The following DIAPH3 variants were observed in gnomAD, a reference collection of about 807,000 sequenced individuals.
The protein encoded by DIAPH3 is diaphanous related formin 3, also known as protein diaphanous homolog 3.
Under a neutral mutation model 144.3 loss-of-function variants are expected in DIAPH3, and 117 were observed. The observed-to-expected ratio is 0.81, with a 90% CI of 0.70 to 0.95. The LOEUF (loss-of-function observed/expected upper bound fraction) is 0.95. Ranked by LOEUF, DIAPH3 falls within the 40% of genes least tolerant of loss-of-function variation. The pLI is 0.00. For synonymous variants in DIAPH3, 519 were observed against 488.9 expected (o/e 1.06, Z -0.81); for missense variants, 1,421 against 1,412.7 (o/e 1.01, Z -0.09).
intron 4 of DIAPH3, among the ~76,000 whole-genome samples, chr13:60,068,480 TTTTC>T (rs1336758995): frequency 2.0e-5 from 3 of 152,150 alleles, no homozygotes; most frequent in African/African-American, 4.8e-5. Context: ...CTTAGCCCAT[TTTTC>T]TTTGTCTTTT....
At position 60,163,858 on chromosome 13, in the gene DIAPH3, G is replaced by C; in HGVS notation, c.-92C>G. 1 of 1,475,338 alleles carries C rather than the reference G, an allele frequency of 6.8e-7. No homozygotes were observed. Among genetic ancestry groups the C allele is most frequent in the Non-Finnish European group, 9.1e-7 (1 of 1,102,594 alleles). 91.4% of individuals were successfully genotyped at this position (1,475,338 alleles called of 1,614,324 possible). ...GGGATCGACAACAGGTTTTACTCCCGGGGTCCGCCACCCAAACAGTCAGCA... is the reference window on the plus strand; with the variant it reads ...GGGATCGACAACAGGTTTTACTCCCCGGGTCCGCCACCCAAACAGTCAGCA... On this transcript the variant is annotated 5_prime_UTR_variant, in exon 1 of 28. Coordinates refer to ENST00000400324, the MANE Select transcript of DIAPH3 (RefSeq NM_001042517.2).
chr13:59,690,520 A>G (rs2033454528), intron 27 of DIAPH3, among the ~76,000 whole-genome samples: 1 of 152,132 alleles, frequency 6.6e-6, no homozygotes, highest in Non-Finnish European at 1.5e-5. Flanking sequence ...CACATTTGTA[A>G]CAGTGTTGTT....
At position 59,833,277 on chromosome 13, in the gene DIAPH3, C is replaced by A; in HGVS notation, c.2863-6G>T. On this transcript the variant is annotated splice_region_variant and splice_polypyrimidine_tract_variant and intron_variant, in intron 23 of 27. Coordinates refer to ENST00000400324, the MANE Select transcript of DIAPH3 (RefSeq NM_001042517.2). The stretch of plus-strand genomic sequence containing the variant: ...TTTGCACTGATAACAAATCTGTATA[C>A]TATAGTTAAGGTATTCTGAAATTTA... The A allele has an allele frequency of 6.2e-7, 1 of 1,601,794 alleles. No individual in the cohort carries two copies. The highest frequency in any genetic ancestry group is 2.2e-5 in the East Asian group (1 of 44,614).
intron 27 of DIAPH3, among the ~76,000 whole-genome samples, chr13:59,676,889 T>C (rs1488679210): frequency 6.6e-6 from 1 of 152,194 alleles, no homozygotes; most frequent in Non-Finnish European, 1.5e-5. Flanking sequence ...AAAATAATTT[T>C]ATGTATGACT....
chr13:60,051,108 C>G (rs2056322788), intron 4 of DIAPH3, among the ~76,000 whole-genome samples: 1 of 150,910 alleles, frequency 6.6e-6, no homozygotes. Flanking sequence ...AGCCTGATCA[C>G]AAATTCAAGA....
At position 60,010,658 on chromosome 13, in the gene DIAPH3, T is replaced by G; in HGVS notation, c.783A>C (p.Glu261Asp). ...KALMNTQYGL[E>D]RIMSEERSLS... Reference sequence around the variant, plus strand: ...GGCTCCTCTCCTCACTCATAATTCTTTCCAAGCCATACTATAATATTTTGA... The same window carrying G: ...GGCTCCTCTCCTCACTCATAATTCTGTCCAAGCCATACTATAATATTTTGA... Residue 261 changes from glutamate to aspartate, a missense_variant, in exon 8 of 28, where the codon GAA becomes GAC. Coordinates refer to ENST00000400324, the MANE Select transcript of DIAPH3 (RefSeq NM_001042517.2). 1.2e-6 allele frequency: 2 copies of G among 1,613,594 alleles called. No homozygotes were observed. Among genetic ancestry groups the G allele is most frequent in the Non-Finnish European group, 1.7e-6 (2 of 1,179,724 alleles).
chr13:59,829,188 C>T (rs2041637154), intron 24 of DIAPH3, among the ~76,000 whole-genome samples: 1 of 151,920 alleles, frequency 6.6e-6, no homozygotes, highest in Non-Finnish European at 1.5e-5. Flanking sequence ...TTAAACCCAG[C>T]CTTTAACTAC....
intron 20 of DIAPH3, among the ~76,000 whole-genome samples, chr13:59,893,669 T>C (rs1047645682): frequency 1.3e-5 from 2 of 151,816 alleles, no homozygotes; most frequent in Non-Finnish European, 2.9e-5. Context: ...ACAGACAGTG[T>C]GACACAGGAA....
intron 24 of DIAPH3, among the ~76,000 whole-genome samples, chr13:59,815,619 G>T (rs566900704): frequency 1.2e-3 from 175 of 152,104 alleles, no homozygotes; most frequent in African/African-American, 4.1e-3. Flanking sequence ...ATATAAAAAT[G>T]TAATTTTTAC....
intron 9 of DIAPH3, among the ~76,000 whole-genome samples, chr13:59,998,034 A>C (rs2052311995): frequency 6.6e-6 from 1 of 152,158 alleles, no homozygotes; most frequent in African/African-American, 2.4e-5. Flanking sequence ...CTCTCTTTGC[A>C]CAATTAAATT....
At chr13:60,112,770 C>G (rs1431500349) in intron 2 of DIAPH3, among the ~76,000 whole-genome samples, 1 of 152,092 alleles carries the variant, frequency 6.6e-6, no homozygotes, top group Non-Finnish European at 1.5e-5. Context: ...TGGTTAAGGC[C>G]TTAAGAAATA....
chr13:60,051,786 T>C (rs2056358691), intron 4 of DIAPH3, among the ~76,000 whole-genome samples: 1 of 152,132 alleles, frequency 6.6e-6, no homozygotes, highest in Admixed American at 6.6e-5. Flanking sequence ...ATCTGATGAT[T>C]AGAAAGTGAG....
intron 17 of DIAPH3, among the ~76,000 whole-genome samples, chr13:59,929,710 C>T (rs537964142): frequency 3.3e-5 from 5 of 151,368 alleles, no homozygotes; most frequent in Admixed American, 3.3e-4. Flanking sequence ...TTTACAGGCT[C>T]ATGCCATTAT....
chr13:59,951,111 G>T (rs2049074531), intron 17 of DIAPH3, among the ~76,000 whole-genome samples: 1 of 152,008 alleles, frequency 6.6e-6, no homozygotes, highest in Non-Finnish European at 1.5e-5. Flanking sequence ...GATGAGGTTT[G>T]GTTGCATCCC....
At chr13:59,781,232 T>G (rs2038721793) in intron 25 of DIAPH3, among the ~76,000 whole-genome samples, 1 of 152,226 alleles carries the variant, frequency 6.6e-6, no homozygotes, top group African/African-American at 2.4e-5. Context: ...GATTTCTCAG[T>G]GGCAACACTG....
chr13:59,777,816 G>A (rs1360188938), intron 25 of DIAPH3, among the ~76,000 whole-genome samples: 3 of 152,112 alleles, frequency 2.0e-5, no homozygotes, highest in Non-Finnish European at 4.4e-5. Flanking sequence ...GAGAAAGAGA[G>A]AAGAAAAGGC....
intron 25 of DIAPH3, among the ~76,000 whole-genome samples, chr13:59,804,409 C>T (rs17057363): frequency 0.044 from 6,739 of 152,198 alleles, 234 homozygotes; most frequent in South Asian, 0.11. Flanking sequence ...AATATGACCT[C>T]GTGAGAAGAC....
intron 27 of DIAPH3, among the ~76,000 whole-genome samples, chr13:59,721,034 C>T (rs1233418977): frequency 1.3e-5 from 2 of 152,136 alleles, no homozygotes; most frequent in Non-Finnish European, 2.9e-5. Flanking sequence ...CAAAAGAATA[C>T]AACTGACTAA....
In DIAPH3 at chr13:59,874,810, T is replaced by C. The variant is rs1593782718; in HGVS notation, c.2607+4419A>G. Among the ~76,000 whole-genome samples the C allele has an allele frequency of 2.0e-5, 3 of 152,238 alleles. No homozygotes were observed. The South Asian group carries it at 6.2e-4, about 31-fold the overall frequency. ...TATTACCCCAATATAGGAAGTCAGT[T>C]GATTCAATCAATCACCTGGAACAAA... On this transcript the variant is annotated intron_variant, in intron 21 of 27. Transcript: ENST00000400324.
Sources: allele counts gnomAD v4.1 joint callset (sites outside exome capture counted in the v4.1 genomes callset), GRCh38; gene constraint gnomAD v4.1.1; transcripts MANE v1.5; gene names NCBI Gene and HGNC (gene_info 2026-07-23, HGNC 2026-07-21).